DNAH5: variants seen among roughly 807,000 people sequenced by gnomAD.
The protein encoded by DNAH5 is axonemal beta dynein heavy chain 5.
A neutral mutation model predicts 518.2 loss-of-function variants in DNAH5; 372 were observed. The ratio of observed to expected loss-of-function variants is 0.72; its 90% CI spans 0.66 to 0.78. The LOEUF (loss-of-function observed/expected upper bound fraction) is 0.78. Ranked by LOEUF, DNAH5 falls within the 30% of genes least tolerant of loss-of-function variation. The probability of loss-of-function intolerance (pLI) is 0.00; values close to 1 mark genes in which losing one functional copy is unlikely to be tolerated. For synonymous variants in DNAH5, 2,039 were observed against 2,025.9 expected (o/e 1.01, Z -0.17); for missense variants, 5,523 against 5,687.0 (o/e 0.97, Z 0.93).
At position 13,705,275 on chromosome 5, in the gene DNAH5, G is replaced by A. The variant is rs371105756; in HGVS notation, c.13338+2848C>T. Reference sequence around the variant, plus strand: ...TCCCAAAGTGCTGGATTACAGGCATGAGCCACTGCGCCCGGCTGCAATGGA... The same window carrying A: ...TCCCAAAGTGCTGGATTACAGGCATAAGCCACTGCGCCCGGCTGCAATGGA... On this transcript the variant is annotated intron_variant, in intron 76 of 78. Coordinates refer to ENST00000265104, the MANE Select transcript of DNAH5 (RefSeq NM_001369.3). Among the ~76,000 whole-genome samples, 25 of 152,128 alleles carry A rather than the reference G, an allele frequency of 1.6e-4. 1 individual carries two copies. In the East Asian group the frequency reaches 1.9e-3, roughly 12 times the overall value.
intron 1 of DNAH5, among the ~76,000 whole-genome samples, chr5:13,991,722 T>G (rs1475276691): frequency 1.3e-5 from 2 of 152,098 alleles, no homozygotes; most frequent in Non-Finnish European, 2.9e-5. Flanking sequence ...GCCCTTCATT[T>G]TCTTATGACT....
At chr5:13,994,342 G>T (rs1303158729) in intron 1 of DNAH5, among the ~76,000 whole-genome samples, 3 of 152,168 alleles carry the variant, frequency 2.0e-5, no homozygotes, top group African/African-American at 7.2e-5. Flanking sequence ...CTGAGATCAT[G>T]AATTATTTAC....
At chr5:13,907,678 A>T (rs553267987) in intron 12 of DNAH5, among the ~76,000 whole-genome samples, 1 of 152,296 alleles carries the variant, frequency 6.6e-6, no homozygotes, top group South Asian at 2.1e-4. Flanking sequence ...CCTCCCCCCA[A>T]AAAAATTGCA....
intron 31 of DNAH5, 138 bp downstream of exon 31, chr5:13,850,514 T>C (rs1766679212): frequency 1.4e-6 from 1 of 712,412 alleles, no homozygotes; most frequent in Admixed American, 2.3e-5. Context: ...CTTCAAAATA[T>C]CAGTTTCATC....
chr5:13,826,175 G>T (rs1463879637), intron 38 of DNAH5, among the ~76,000 whole-genome samples: 2 of 152,180 alleles, frequency 1.3e-5, no homozygotes, highest in African/African-American at 4.8e-5. Flanking sequence ...TGTTCACCAA[G>T]ACATCAGTAT....
Position 13,848,614 on chromosome 5 carries a change from G to A in DNAH5, c.5114+2038C>T, listed in dbSNP as rs186589518. 7.2e-4 allele frequency among the ~76,000 whole-genome samples: 110 copies of A among 152,280 alleles called. 1 individual carries two copies. The highest frequency in any genetic ancestry group is 2.6e-3 in the African/African-American group (106 of 41,550). On this transcript the variant is annotated intron_variant, in intron 31 of 78. Transcript: ENST00000265104. ...TTCCTGCAACTAAATGGTCCCATCT[G>A]GAGATGATGGGAAACAGTGACCAAT...
At chr5:13,891,228 T>C (rs1179013605) in intron 16 of DNAH5, 107 bp from the exon 17 acceptor site, 7 of 1,213,224 alleles carry the variant, frequency 5.8e-6, no homozygotes, top group Non-Finnish European at 8.4e-6. Flanking sequence ...CTTTAAAGAT[T>C]CTCAGTTACG....
At chr5:13,748,030 T>C (rs1174611285) in intron 65 of DNAH5, among the ~76,000 whole-genome samples, 3 of 152,234 alleles carry the variant, frequency 2.0e-5, no homozygotes, top group Non-Finnish European at 4.4e-5. Context: ...TTGAAGTCTT[T>C]AATCCATCTT....
rs768503312 is a variant in DNAH5 at position 13,830,169 on chromosome 5, G to A, written c.6106C>T (p.Arg2036Cys). The change falls in exon 37 of 79, where the codon CGT (arginine) becomes TGT (cysteine). Residue 2036 changes from arginine (R) to cysteine (C), a missense_variant. Around this residue, in one of 3 missense-constraint regions of DNAH5, gnomAD observed 5,121 missense variants for 5,223.3 expected, o/e 0.98. Transcript: ENST00000265104. The part of the protein sequence containing the change: ...GSWGCFDEFN[R>C]IDLPVLSVAA... ...ACCGAGAGAACTGGTAGATCAATAC[G>A]GTTAAATTCATCAAAACAACCCCAG... is the stretch of plus-strand genomic sequence containing the variant. 6 of 1,613,702 alleles carry A rather than the reference G, an allele frequency of 3.7e-6. No individual in the cohort carries two copies. Among genetic ancestry groups the A allele is most frequent in the Middle Eastern group, 1.6e-4 (1 of 6,084 alleles).
At chr5:13,929,790 T>C (rs1218073047) in intron 2 of DNAH5, among the ~76,000 whole-genome samples, 1 of 152,208 alleles carries the variant, frequency 6.6e-6, no homozygotes, top group African/African-American at 2.4e-5. Flanking sequence ...GAGTTTAACC[T>C]GGTATCCCTA....
At chr5:13,985,344 G>A (rs146766846) in intron 1 of DNAH5, among the ~76,000 whole-genome samples, 2,663 of 150,868 alleles carry the variant, frequency 0.018, 39 homozygotes, top group Non-Finnish European at 0.029. Flanking sequence ...GAGTTAATGG[G>A]TGCAGCACAC....
At chr5:13,721,872 T>C (rs1021789794) in intron 70 of DNAH5, among the ~76,000 whole-genome samples, 1 of 152,220 alleles carries the variant, frequency 6.6e-6, no homozygotes, top group Non-Finnish European at 1.5e-5. Flanking sequence ...AAAAAAATTA[T>C]GGTAACAACA....
intron 78 of DNAH5, among the ~76,000 whole-genome samples, chr5:13,699,105 T>G (rs975611666): frequency 6.6e-6 from 1 of 152,186 alleles, no homozygotes; most frequent in Non-Finnish European, 1.5e-5. Context: ...AAGTAGTTAC[T>G]GAATGACCAA....
At chr5:13,924,412 A>G (rs531445826) in intron 3 of DNAH5, among the ~76,000 whole-genome samples, 6 of 152,210 alleles carry the variant, frequency 3.9e-5, no homozygotes, top group African/African-American at 1.4e-4. Flanking sequence ...GTGGTGGCTC[A>G]TGCTTGTAAT....
chr5:13,712,583 A>G (rs1743632673), intron 75 of DNAH5, among the ~76,000 whole-genome samples: 2 of 152,180 alleles, frequency 1.3e-5, no homozygotes, highest in Admixed American at 1.3e-4. Flanking sequence ...CTGACAAAGA[A>G]CTAATATCCA....
At chr5:13,717,774 A>C (rs139825100) in intron 72 of DNAH5, among the ~76,000 whole-genome samples, 1 of 152,260 alleles carries the variant, frequency 6.6e-6, no homozygotes, top group Non-Finnish European at 1.5e-5. Flanking sequence ...CCAATCTAAC[A>C]AGATCATGTG....
At chr5:13,762,387 T>C (rs915951446) in intron 60 of DNAH5, among the ~76,000 whole-genome samples, 2 of 152,180 alleles carry the variant, frequency 1.3e-5, no homozygotes, top group African/African-American at 2.4e-5. Flanking sequence ...CAGAGGATTC[T>C]GTGCTACAGT....
chr5:13,915,022 T>A (rs1776481369), intron 9 of DNAH5, among the ~76,000 whole-genome samples: 1 of 152,136 alleles, frequency 6.6e-6, no homozygotes, highest in Non-Finnish European at 1.5e-5. Context: ...GTACTGCCGA[T>A]CCTGATCTTT....
intron 1 of DNAH5, among the ~76,000 whole-genome samples, chr5:14,006,796 C>T (rs1032839588): frequency 6.6e-6 from 1 of 152,198 alleles, no homozygotes; most frequent in African/African-American, 2.4e-5. Context: ...GTGCTGTGGG[C>T]TGACTGACAG....
Sources: gnomAD v4.1 joint callset for allele counts (sites outside exome capture counted in the v4.1 genomes callset) on GRCh38, gnomAD v4.1.1 for gene constraint, gnomAD v4.1.1 regional missense constraint, MANE v1.5 for transcripts, NCBI Gene and HGNC (gene_info 2026-07-23, HGNC 2026-07-21) for gene names.